The following ASNS variants were observed in gnomAD, a reference collection of about 807,000 sequenced individuals.
ASNS encodes the protein asparagine synthetase [glutamine-hydrolyzing].
A neutral mutation model predicts 62.6 loss-of-function variants in ASNS; 37 were observed. The ratio of observed to expected loss-of-function variants is 0.59; its 90% confidence interval spans 0.45 to 0.78. The LOEUF (loss-of-function observed/expected upper bound fraction) is 0.78, where lower values mean the gene tolerates loss of function less well. ASNS is among the 30% of genes least tolerant of loss of function. The pLI is 0.00. For synonymous variants in ASNS, 207 were observed against 237.9 expected, an observed-to-expected ratio of 0.87 and a Z score of 1.19; for missense variants, 520 against 682.4, an observed-to-expected ratio of 0.76 and a Z score of 2.65.
At chr7:97,886,026 C>G in the ASNS span, 1 of 607,096 alleles carries the variant, frequency 1.6e-6, no homozygotes, top group African/African-American at 1.8e-5. Context: ...GACCTCCTGC[C>G]CGTCTCATGA....
At chr7:97,882,497 G>A in the ASNS span, among the ~76,000 whole-genome samples, 2 of 151,698 alleles carry the variant, frequency 1.3e-5, no homozygotes, top group African/African-American at 2.4e-5. Flanking sequence ...GCAGTGAGCC[G>A]AGATCGCATC....
At chr7:97,928,394 T>A in the ASNS span, 2 of 646,278 alleles carry the variant, frequency 3.1e-6, no homozygotes, top group Admixed American at 3.7e-5. Context: ...GCTCGGAGGG[T>A]CCGCGCGGCG....
the ASNS span, among the ~76,000 whole-genome samples, chr7:97,917,274 G>C: frequency 6.7e-6 from 1 of 148,574 alleles, no homozygotes; most frequent in Admixed American, 6.7e-5. Context: ...TGGACTTCCT[G>C]TATTTTACCT....
At chr7:97,856,215 G>A (rs2115624703) in intron 8 of ASNS, among the ~76,000 whole-genome samples, 2 of 152,268 alleles carry the variant, frequency 1.3e-5, no homozygotes, top group South Asian at 4.1e-4. Context: ...CTGATTTGGG[G>A]TATACTTCCA....
chr7:97,854,060 GACAACTAGAAATGATA>G (rs764252046), intron 10 of ASNS, among the ~76,000 whole-genome samples: 1 of 152,146 alleles, frequency 6.6e-6, no homozygotes, highest in Non-Finnish European at 1.5e-5. Flanking sequence ...CATAACTTTA[GACAACTAGAAATGATA>G]ACCAAAGAAA....
chr7:97,852,933 C>T, intron 12 of ASNS, 127 bp downstream of exon 12: 1 of 888,442 alleles, frequency 1.1e-6, no homozygotes, highest in Non-Finnish European at 1.6e-6. Context: ...ATGTATCATT[C>T]AAACTAAATA....
chr7:97,852,447 T>C lies in ASNS; in HGVS notation c.1498A>G (p.Asn500Asp), dbSNP rs1791226666. 1 of 1,614,044 alleles carries C rather than the reference T, an allele frequency of 6.2e-7. No homozygotes were observed. The highest frequency in any genetic ancestry group is 1.3e-5 in the African/African-American group (1 of 74,902). Residue 500 changes from asparagine to aspartate, a missense_variant, in exon 13 of 13, where the codon AAT becomes GAT. Transcript: ENST00000394308. ...TTGAAGGGAAATTTCTGGGCTGCATTTGCCATCATTGCATCATCAACCTGT... is the reference window on the plus strand; with the variant it reads ...TTGAAGGGAAATTTCTGGGCTGCATCTGCCATCATTGCATCATCAACCTGT... ...EHQVDDAMMA[N>D]AAQKFPFNTP...
At chr7:97,875,462 C>A (rs6945593), upstream of ASNS, among the ~76,000 whole-genome samples, 2 of 152,172 alleles carry the variant, frequency 1.3e-5, no homozygotes, top group African/African-American at 4.8e-5. Flanking sequence ...TTCTTGGTCA[C>A]GTTGCATGTC....
At chr7:97,916,583 C>T in the ASNS span, among the ~76,000 whole-genome samples, 1 of 152,134 alleles carries the variant, frequency 6.6e-6, no homozygotes, top group Non-Finnish European at 1.5e-5. Flanking sequence ...CAATAGGCTG[C>T]GTGCATGTGA....
At chr7:97,896,753 T>C in the ASNS span, among the ~76,000 whole-genome samples, 9 of 98,962 alleles carry the variant, frequency 9.1e-5, no homozygotes, top group South Asian at 3.7e-4. Context: ...TATATATATA[T>C]ATATATATAT....
At chr7:97,858,235 C>T (rs1439401716) in intron 7 of ASNS, 43 bp downstream of exon 7, 1 of 1,599,972 alleles carries the variant, frequency 6.3e-7, no homozygotes, top group Non-Finnish European at 8.5e-7. Context: ...AATAACAAGT[C>T]TACTCTAACT....
At chr7:97,919,656 G>T in the ASNS span, among the ~76,000 whole-genome samples, 1 of 152,174 alleles carries the variant, frequency 6.6e-6, no homozygotes, top group African/African-American at 2.4e-5. Context: ...CACAAGCCCT[G>T]GCCAGTCCCC....
Position 97,851,829 on chromosome 7 carries a change from C to A in ASNS, c.*430G>T. 1 of 178,974 alleles carries A rather than the reference C, an allele frequency of 5.6e-6. No individual in the cohort carries two copies. The highest frequency in any genetic ancestry group is 1.2e-5 in the Non-Finnish European group (1 of 84,290). The allele number at this position is 178,974 out of a possible 1,614,324, so 11.1% of individuals were successfully genotyped here. Reference sequence around the variant, plus strand: ...TGCAAAATAGAGCTGTGATGAACTCCTATAGAAGATTCAAGTCTGAGTCTG... The same window carrying A: ...TGCAAAATAGAGCTGTGATGAACTCATATAGAAGATTCAAGTCTGAGTCTG... On this transcript the variant is annotated 3_prime_UTR_variant, in exon 13 of 13. Transcript: ENST00000394308.
chr7:97,868,519 ATGTGTGTG>A (rs61611439), intron 3 of ASNS, among the ~76,000 whole-genome samples: 1 of 122,920 alleles, frequency 8.1e-6, no homozygotes, highest in East Asian at 2.7e-4. Flanking sequence ...CAGCAAAAAC[ATGTGTGTG>A]TGTGTGTGTG....
the ASNS span, among the ~76,000 whole-genome samples, chr7:97,891,259 A>G: frequency 6.6e-6 from 1 of 152,246 alleles, no homozygotes; most frequent in Non-Finnish European, 1.5e-5. Flanking sequence ...CGTATTCACT[A>G]TCATGAGAAC....
chr7:97,853,399 A>C lies in ASNS; in HGVS notation c.1239-13T>G. 3.1e-6 allele frequency: 5 copies of C among 1,606,962 alleles called. No homozygotes were observed. Among genetic ancestry groups the C allele is most frequent in the Non-Finnish European group, 4.3e-6 (5 of 1,176,316 alleles). Reference sequence around the variant, plus strand: ...TCTCAGTTCAAGACTTAAAGGAGAAAAGAAGAAAATCTAAATTAAAATGGG... The same window carrying C: ...TCTCAGTTCAAGACTTAAAGGAGAACAGAAGAAAATCTAAATTAAAATGGG... On this transcript the variant is annotated splice_polypyrimidine_tract_variant and intron_variant, in intron 10 of 12. Coordinates refer to ENST00000394308, the MANE Select transcript of ASNS (RefSeq NM_001673.5).
the ASNS span, among the ~76,000 whole-genome samples, chr7:97,894,459 T>A: frequency 2.3e-5 from 1 of 44,014 alleles, no homozygotes; most frequent in South Asian, 7.2e-4. Flanking sequence ...ACAAAATTGA[T>A]AAACCACTAG....
Position 97,859,207 on chromosome 7 carries a change from T to C in ASNS, c.673+6A>G. The C allele has an allele frequency of 1.3e-6, 2 of 1,599,672 alleles. No individual in the cohort carries two copies. Among genetic ancestry groups the C allele is most frequent in the Middle Eastern group, 1.7e-4 (1 of 5,894 alleles). ...GATGGGGAATAGGTGGGTGGGTGTCTGCTACCTGGAAAGAGTTTCTCCACA... is the reference window on the plus strand; with the variant it reads ...GATGGGGAATAGGTGGGTGGGTGTCCGCTACCTGGAAAGAGTTTCTCCACA... On this transcript the variant is annotated splice_donor_region_variant and intron_variant, in intron 5 of 12. Coordinates refer to ENST00000394308, the MANE Select transcript of ASNS (RefSeq NM_001673.5).
rs1791259967 is a variant in ASNS, at chr7:97,853,087, C to G, written c.1449G>C (p.Lys483Asn). The G allele has an allele frequency of 3.1e-6, 5 of 1,592,874 alleles. 1 individual carries two copies. The South Asian group carries it at 5.8e-5, about 18-fold the overall frequency. Residue 483 changes from lysine to asparagine, a missense_variant, in exon 12 of 13, where the codon AAG becomes AAC. Transcript: ENST00000394308. ...GATGTTCAACGTATTCCTGTAAAAT[C>G]TTAAACCAGGAATTCTTAACTGAAG... ...GITSVKNSWFKILQEYVEHQV... is the reference protein window; with the variant it reads ...GITSVKNSWFNILQEYVEHQV...
Sources: gnomAD v4.1 joint callset for allele counts (sites outside exome capture counted in the v4.1 genomes callset) on GRCh38, gnomAD v4.1.1 for gene constraint, MANE v1.5 for transcripts, NCBI Gene and HGNC (gene_info 2026-07-23, HGNC 2026-07-21) for gene names.